TDRD5: variants seen among roughly 807,000 people sequenced by gnomAD.
TDRD5 encodes tudor domain-containing protein 5.
A neutral mutation model predicts 120.6 loss-of-function variants in TDRD5; 41 were observed. That is an observed-to-expected ratio of 0.34 (90% CI 0.26 to 0.44). TDRD5 has a LOEUF of 0.44. Ranked by LOEUF, TDRD5 falls within the 20% of genes least tolerant of loss-of-function variation. TDRD5 has a pLI of 1.00. For missense variants in TDRD5, 1,006 were observed against 1,221.2 expected, an observed-to-expected ratio of 0.82 and a Z score of 2.63; for synonymous variants, 430 against 433.7, an observed-to-expected ratio of 0.99 and a Z score of 0.11.
chr1:179,634,178 A>AC (rs1677626619), intron 7 of TDRD5, among the ~76,000 whole-genome samples: 2 of 140,026 alleles, frequency 1.4e-5, no homozygotes, highest in Non-Finnish European at 3.1e-5. Flanking sequence ...CTCAAAAAAC[A>AC]AAAAAACAAA....
intron 11 of TDRD5, 50 bp downstream of exon 11, chr1:179,640,495 A>T (rs756100095): frequency 1.9e-6 from 3 of 1,552,692 alleles, no homozygotes; most frequent in African/African-American, 2.7e-5. Flanking sequence ...AGTGCCTATT[A>T]TGTGCCAATA....
intron 11 of TDRD5, among the ~76,000 whole-genome samples, chr1:179,650,349 C>G (rs531439863): frequency 6.9e-6 from 1 of 145,294 alleles, no homozygotes; most frequent in Non-Finnish European, 1.5e-5. Flanking sequence ...CACAGTGAGC[C>G]GAGATCACGC....
chr1:179,631,661 A>T (rs1677454432), intron 7 of TDRD5, among the ~76,000 whole-genome samples: 1 of 152,122 alleles, frequency 6.6e-6, no homozygotes, highest in African/African-American at 2.4e-5. Flanking sequence ...AAAACCTTTC[A>T]CCCAGTTTCT....
At chr1:179,596,416 A>G (rs1472758122) in intron 4 of TDRD5, among the ~76,000 whole-genome samples, 3 of 152,184 alleles carry the variant, frequency 2.0e-5, no homozygotes, top group Non-Finnish European at 4.4e-5. Context: ...TAATTATACA[A>G]TCACCATCAA....
intron 4 of TDRD5, among the ~76,000 whole-genome samples, chr1:179,604,998 G>T (rs1000130424): frequency 2.6e-5 from 4 of 152,006 alleles, no homozygotes; most frequent in Non-Finnish European, 5.9e-5. Flanking sequence ...TTATTGTGTT[G>T]CTGTCTATCT....
intron 4 of TDRD5, among the ~76,000 whole-genome samples, chr1:179,613,092 T>C (rs1245303701): frequency 6.6e-6 from 1 of 152,138 alleles, no homozygotes; most frequent in African/African-American, 2.4e-5. Flanking sequence ...GAAATCAGGG[T>C]GGTCTTAGTT....
chr1:179,681,841 T>A (rs1353135670), intron 17 of TDRD5, among the ~76,000 whole-genome samples: 1 of 149,138 alleles, frequency 6.7e-6, no homozygotes, highest in African/African-American at 2.5e-5. Flanking sequence ...TTTCTTACTC[T>A]CAGTCTTTAC....
chr1:179,599,204 A>T (rs549928958), intron 4 of TDRD5, among the ~76,000 whole-genome samples: 1 of 152,152 alleles, frequency 6.6e-6, no homozygotes, highest in African/African-American at 2.4e-5. Context: ...CTTGGTCATC[A>T]TATAGTATCC....
At chr1:179,624,236 A>G (rs1676997052) in intron 6 of TDRD5, among the ~76,000 whole-genome samples, 1 of 152,190 alleles carries the variant, frequency 6.6e-6, no homozygotes, top group Non-Finnish European at 1.5e-5. Flanking sequence ...ATACCCATCC[A>G]CAATTAAAAC....
At chr1:179,620,655 A>G (rs1016743720) in intron 5 of TDRD5, among the ~76,000 whole-genome samples, 7 of 152,138 alleles carry the variant, frequency 4.6e-5, no homozygotes, top group Admixed American at 1.3e-4. Context: ...TGTATTTTCC[A>G]AAGTTTTTTC....
chr1:179,617,389 G>A (rs777677726), intron 4 of TDRD5, among the ~76,000 whole-genome samples: 50 of 152,218 alleles, frequency 3.3e-4, no homozygotes, highest in Middle Eastern at 3.4e-3. Flanking sequence ...TGCACTCTTC[G>A]TGCCTCATCA....
intron 17 of TDRD5, among the ~76,000 whole-genome samples, chr1:179,676,771 C>A (rs1680166596): frequency 6.6e-6 from 1 of 152,198 alleles, no homozygotes; most frequent in African/African-American, 2.4e-5. Context: ...TGCCTCACAG[C>A]TCTTAAGAGT....
rs537949621 is a variant in TDRD5 at position 179,656,581 on chromosome 1, G to C, written c.2322+2219G>C. Among the ~76,000 whole-genome samples the C allele has an allele frequency of 3.9e-5, 6 of 152,240 alleles. No homozygotes were observed. The South Asian group carries it at 6.2e-4, about 16-fold the overall frequency. The stretch of plus-strand genomic sequence containing the variant: ...TCCAACTGATCCAGCATCCTTTGTT[G>C]ACAAGACTATCCTATCTCCATTGAA... On this transcript the variant is annotated intron_variant, in intron 14 of 17. Coordinates refer to ENST00000444136, the MANE Select transcript of TDRD5 (RefSeq NM_001199085.3).
At chr1:179,646,708 C>G (rs891785183) in intron 11 of TDRD5, among the ~76,000 whole-genome samples, 2 of 152,164 alleles carry the variant, frequency 1.3e-5, no homozygotes, top group African/African-American at 2.4e-5. Flanking sequence ...GAAAACCCCA[C>G]TGTCTCAGCC....
At chr1:179,618,426 G>T (rs1676670639) in intron 4 of TDRD5, among the ~76,000 whole-genome samples, 173 bp from the exon 5 acceptor site, 1 of 152,150 alleles carries the variant, frequency 6.6e-6, no homozygotes, top group African/African-American at 2.4e-5. Context: ...TCTACTCTAA[G>T]TGTATTTTGT....
intron 15 of TDRD5, among the ~76,000 whole-genome samples, chr1:179,662,730 T>C (rs934572081): frequency 6.6e-6 from 1 of 152,210 alleles, no homozygotes; most frequent in Non-Finnish European, 1.5e-5. Flanking sequence ...AATACATGAT[T>C]TTAAAAAATG....
intron 17 of TDRD5, among the ~76,000 whole-genome samples, chr1:179,678,532 C>G (rs1284558674): frequency 1.3e-5 from 2 of 152,158 alleles, no homozygotes; most frequent in Non-Finnish European, 2.9e-5. Context: ...ATAGAGTAGT[C>G]CTGCCTCCTA....
chr1:179,669,431 TCA>T (rs764379163), intron 17 of TDRD5, 27 bp downstream of exon 17: 2 of 1,611,250 alleles, frequency 1.2e-6, no homozygotes, highest in South Asian at 2.2e-5. Flanking sequence ...TTGTGCATGC[TCA>T]CAGTTGACAA....
chr1:179,659,321 C>T (rs1231646323), intron 14 of TDRD5, among the ~76,000 whole-genome samples: 2 of 152,162 alleles, frequency 1.3e-5, no homozygotes, highest in East Asian at 3.8e-4. Flanking sequence ...CTGAGAAGAA[C>T]ACTGAAGTCT....
Sources: gnomAD v4.1 joint callset for allele counts (sites outside exome capture counted in the v4.1 genomes callset) on GRCh38, gnomAD v4.1.1 for gene constraint, MANE v1.5 for transcripts, NCBI Gene and HGNC (gene_info 2026-07-23, HGNC 2026-07-21) for gene names.